The following MYO10 variants were observed in gnomAD, a reference collection of about 807,000 sequenced individuals.
MYO10 encodes myosin X.
Under a neutral mutation model 257.3 loss-of-function variants are expected in MYO10, and 133 were observed. That is an observed-to-expected ratio of 0.52 (90% CI 0.45 to 0.60). The LOEUF (loss-of-function observed/expected upper bound fraction) is 0.60, where lower values mean the gene tolerates loss of function less well. Ranked by LOEUF, MYO10 falls within the 20% of genes least tolerant of loss-of-function variation. The pLI, the probability that MYO10 is intolerant of heterozygous loss-of-function variation, is 0.00. For synonymous variants in MYO10, 1,104 were observed against 1,028.6 expected (o/e 1.07, Z -1.40); for missense variants, 2,399 against 2,635.7 (o/e 0.91, Z 1.97).
intron 11 of MYO10, among the ~76,000 whole-genome samples, chr5:16,765,460 A>C (rs1247827171): frequency 6.6e-6 from 1 of 152,168 alleles, no homozygotes; most frequent in Non-Finnish European, 1.5e-5. Context: ...CATGTAAGTT[A>C]ATACTTAATA....
At position 16,781,795 on chromosome 5, in the gene MYO10, C is replaced by T. The variant is rs1042304420; in HGVS notation, c.637G>A (p.Val213Met). The change falls in exon 6 of 41, where the codon GTG becomes ATG. Residue 213 changes from valine (V) to methionine (M), a missense_variant. Val to Met is a conservative substitution (Grantham distance 21). This residue lies in a region of MYO10 where 337 missense variants were observed against 446.8 expected (regional missense o/e 0.75). Transcript: ENST00000513610. ...AAGCGACTAGAGTTGTTGTTGTACA[C>T]GGTCTTCGCATTGCCGAAAGCTTCC... is the stretch of plus-strand genomic sequence containing the variant. ...IMEAFGNAKT[V>M]YNNNSSRFGK... 1.4e-5 allele frequency: 22 copies of T among 1,613,822 alleles called. No individual in the cohort carries two copies. In the Middle Eastern group the frequency reaches 4.9e-4, roughly 36 times the overall value.
At chr5:16,784,393 G>C (rs1427192423) in intron 4 of MYO10, among the ~76,000 whole-genome samples, 1 of 152,230 alleles carries the variant, frequency 6.6e-6, no homozygotes, top group Non-Finnish European at 1.5e-5. Context: ...AAAAGCTCTA[G>C]AAGGACCGAA....
rs955087122 is a variant in MYO10, at chr5:16,740,352, G to GA, written c.1929+14475dup. Among the ~76,000 whole-genome samples the GA allele has an allele frequency of 5.3e-5, 8 of 150,148 alleles. 1 individual carries two copies. Among genetic ancestry groups the GA allele is most frequent in the South Asian group, 4.2e-4 (2 of 4,766 alleles). On this transcript the variant is annotated intron_variant, in intron 19 of 40. Transcript: ENST00000513610. ...TTCAGGGCGGCTAATGCTTAGAGGG[G>GA]AAAAAAAAATATCTCAGTCTGCATG...
chr5:16,818,390 G>A (rs1742695608), intron 2 of MYO10, among the ~76,000 whole-genome samples: 2 of 94,024 alleles, frequency 2.1e-5, no homozygotes, highest in African/African-American at 1.0e-4. Flanking sequence ...GCGTGTGTGT[G>A]TGTGTGTGTG....
At chr5:16,678,133 G>A (rs908039299) in intron 33 of MYO10, among the ~76,000 whole-genome samples, 3 of 152,200 alleles carry the variant, frequency 2.0e-5, no homozygotes, top group East Asian at 1.9e-4. Context: ...TTCCAGCACC[G>A]AAGACTGAGT....
intron 1 of MYO10, chr5:16,915,913 C>A (rs555519116): frequency 4.6e-5 from 18 of 392,862 alleles, no homozygotes; most frequent in African/African-American, 3.8e-4. Context: ...GCTGAAATTG[C>A]GCCACTGCAC....
intron 3 of MYO10, among the ~76,000 whole-genome samples, chr5:16,806,943 C>T (rs188608492): frequency 1.3e-5 from 2 of 152,282 alleles, no homozygotes; most frequent in African/African-American, 2.4e-5. Context: ...TATGTATCAT[C>T]GCTATTGTTA....
At chr5:16,808,029 G>A (rs1259181744) in intron 3 of MYO10, among the ~76,000 whole-genome samples, 1 of 152,112 alleles carries the variant, frequency 6.6e-6, no homozygotes, top group South Asian at 2.1e-4. Flanking sequence ...CAGGCAGGGC[G>A]GCATCAGCAT....
Position 16,929,808 on chromosome 5 carries a change from A to G in MYO10, c.21+5980T>C, listed in dbSNP as rs150731990. Among the ~76,000 whole-genome samples the G allele has an allele frequency of 6.1e-3, 929 of 152,278 alleles. 13 individuals carry two copies. Among genetic ancestry groups the G allele is most frequent in the African/African-American group, 0.021 (868 of 41,560 alleles). ...GCAATTTTTTTCTTGAATATTTTCA[A>G]TCAGAGGTTGGTTGAATCCAGAGAT... On this transcript the variant is annotated intron_variant, in intron 1 of 40. Transcript: ENST00000513610.
intron 1 of MYO10, among the ~76,000 whole-genome samples, chr5:16,915,635 C>A (rs1352743879): frequency 6.6e-6 from 1 of 152,206 alleles, no homozygotes; most frequent in East Asian, 1.9e-4. Flanking sequence ...TGGTCTTCAA[C>A]AAGCAGTCAT....
intron 1 of MYO10, among the ~76,000 whole-genome samples, chr5:16,898,611 G>T (rs1324587691): frequency 6.6e-6 from 1 of 151,674 alleles, no homozygotes; most frequent in Non-Finnish European, 1.5e-5. Flanking sequence ...GTTTCACCAT[G>T]TTGGCCAGGC....
Position 16,891,447 on chromosome 5 carries a change from T to C in MYO10, c.22-13740A>G, listed in dbSNP as rs182066069. On this transcript the variant is annotated intron_variant, in intron 1 of 40. Coordinates refer to ENST00000513610, the MANE Select transcript of MYO10 (RefSeq NM_012334.3). ...AGGAGAAAAGAAAGCTCACTGGTGG[T>C]TGCCCGGGGCTGGGAGGAGGGGAGA... 1.5e-3 allele frequency among the ~76,000 whole-genome samples: 222 copies of C among 151,462 alleles called. 1 individual carries two copies. The highest frequency in any genetic ancestry group is 5.1e-3 in the African/African-American group (210 of 41,254).
chr5:16,757,211 G>A (rs988142675), intron 18 of MYO10, among the ~76,000 whole-genome samples: 6 of 148,776 alleles, frequency 4.0e-5, no homozygotes, highest in Non-Finnish European at 7.4e-5. Context: ...AATCACTTGC[G>A]CCTGGGAGTT....
intron 12 of MYO10, among the ~76,000 whole-genome samples, chr5:16,763,973 C>T (rs368961245): frequency 2.6e-5 from 4 of 151,956 alleles, no homozygotes; most frequent in South Asian, 2.1e-4. Flanking sequence ...GGTGCAACCC[C>T]GTCTCTATTG....
chr5:16,781,054 C>G (rs1245510004), intron 6 of MYO10, among the ~76,000 whole-genome samples: 2 of 151,626 alleles, frequency 1.3e-5, no homozygotes, highest in African/African-American at 4.8e-5. Context: ...ATTTATAAAA[C>G]AAATACGGTT....
Position 16,672,761 on chromosome 5 carries a change from TCAAA to T in MYO10, c.5233_5236del (p.Phe1745AsnfsTer16). 5 of 1,613,968 alleles carry T rather than the reference TCAAA, an allele frequency of 3.1e-6. No individual in the cohort carries two copies. Among genetic ancestry groups the T allele is most frequent in the Non-Finnish European group, 4.2e-6 (5 of 1,179,870 alleles). The stretch of plus-strand genomic sequence containing the variant: ...GGCTTTGTCGACGTGGCCGTTGTAT[TCAAA>T]CAAAGCAAACATGTTCCTGCTGTCC... On this transcript the variant is annotated frameshift_variant, in exon 37 of 41. Transcript: ENST00000513610. LOFTEE classifies it high-confidence loss of function.
chr5:16,741,866 C>T (rs1483663970), intron 19 of MYO10: 8 of 985,248 alleles, frequency 8.1e-6, no homozygotes, highest in East Asian at 2.3e-4. Context: ...TTTAGCAGTC[C>T]GGGCAAGGGC....
intron 3 of MYO10, among the ~76,000 whole-genome samples, chr5:16,801,393 A>G (rs1246066352): frequency 6.6e-6 from 1 of 151,954 alleles, no homozygotes; most frequent in African/African-American, 2.4e-5. Context: ...TTTTTAGTAG[A>G]GACGAATGGG....
chr5:16,718,587 C>T (rs1237789759), intron 19 of MYO10, among the ~76,000 whole-genome samples: 5 of 139,422 alleles, frequency 3.6e-5, no homozygotes, highest in African/African-American at 5.5e-5. Flanking sequence ...GGACTGTAAA[C>T]ACACCAATCG....
Sources: gnomAD v4.1 joint callset for allele counts (sites outside exome capture counted in the v4.1 genomes callset) on GRCh38, gnomAD v4.1.1 for gene constraint, gnomAD v4.1.1 regional missense constraint, MANE v1.5 for transcripts, NCBI Gene and HGNC (gene_info 2026-07-23, HGNC 2026-07-21) for gene names.